EP300: variants seen among roughly 807,000 people sequenced by gnomAD.
EP300 encodes the protein histone acetyltransferase p300.
Under a neutral mutation model 264.0 loss-of-function variants are expected in EP300, and 31 were observed. The ratio of observed to expected loss-of-function variants is 0.12; its 90% confidence interval spans 0.09 to 0.16. The LOEUF (loss-of-function observed/expected upper bound fraction) is 0.16, where lower values mean the gene tolerates loss of function less well. Among genes scored for constraint, EP300 ranks in the 10% least tolerant of loss-of-function variants. The pLI, the probability that EP300 is intolerant of heterozygous loss-of-function variation, is 1.00. For missense variants in EP300, 2,766 were observed against 3,052.9 expected, an observed-to-expected ratio of 0.91 and a Z score of 2.21; for synonymous variants, 1,340 against 1,045.4, an observed-to-expected ratio of 1.28 and a Z score of -5.44.
In EP300 at chr22:41,177,939, C is replaced by G. The variant is rs2059212230; in HGVS notation, c.6228C>G (p.Ala2076=). 1 of 1,614,212 alleles carries G rather than the reference C, an allele frequency of 6.2e-7. No homozygotes were observed. The highest frequency in any genetic ancestry group is 8.5e-7 in the Non-Finnish European group (1 of 1,180,026). The change falls in exon 31 of 31, where the codon GCC becomes GCG. Residue 2076 remains alanine, a synonymous_variant. Transcript: ENST00000263253. ...QQQQVLSILH[A]NPQLLAAFIK... ...AACAGGTGCTTAGTATCCTTCACGCCAACCCCCAGCTGTTGGCTGCATTCA... is the reference window on the plus strand; with the variant it reads ...AACAGGTGCTTAGTATCCTTCACGCGAACCCCCAGCTGTTGGCTGCATTCA...
intron 22 of EP300, 26 bp downstream of exon 22, chr22:41,164,156 C>G (rs750294306): frequency 1.0e-5 from 16 of 1,607,650 alleles, no homozygotes; most frequent in Non-Finnish European, 6.8e-6. Context: ...GTTACTTTCT[C>G]TGGAATTTTT....
At chr22:41,165,533 C>A (rs1381535111) in intron 22 of EP300, among the ~76,000 whole-genome samples, 2 of 152,040 alleles carry the variant, frequency 1.3e-5, no homozygotes, top group Non-Finnish European at 2.9e-5. Context: ...AAGTGATTCT[C>A]CTGCCTCAGC....
rs1231868026 is a variant in EP300, at chr22:41,147,957, C to T, written c.2241+11C>T. ...GGAGCTCTCAACCCGGTTAGTTTGA[C>T]GTCTTTGGTAATCTCTTTGGCCTTT... On this transcript the variant is annotated intron_variant, in intron 12 of 30. Coordinates refer to ENST00000263253, the MANE Select transcript of EP300 (RefSeq NM_001429.4). The T allele has an allele frequency of 8.2e-6, 13 of 1,576,706 alleles. No individual in the cohort carries two copies. The highest frequency in any genetic ancestry group is 3.4e-5 in the South Asian group (3 of 87,980).
In EP300 at chr22:41,177,266, C is replaced by T. The variant is rs2059206073; in HGVS notation, c.5555C>T (p.Pro1852Leu). The T allele has an allele frequency of 6.2e-7, 1 of 1,614,002 alleles. No homozygotes were observed. The highest frequency in any genetic ancestry group is 1.3e-5 in the African/African-American group (1 of 74,892). ...GQQQGLPSPT[P>L]ATPTTPTGQQ... The stretch of plus-strand genomic sequence containing the variant: ...CAACAGGGCCTCCCTTCCCCCACTC[C>T]TGCCACTCCAACGACACCAACTGGC... Residue 1852 changes from proline (P) to leucine (L), a missense_variant, in exon 31 of 31, where the codon CCT becomes CTT. Coordinates refer to ENST00000263253, the MANE Select transcript of EP300 (RefSeq NM_001429.4).
chr22:41,144,913 A>G (rs2059002298), intron 10 of EP300, among the ~76,000 whole-genome samples: 1 of 152,090 alleles, frequency 6.6e-6, no homozygotes. Context: ...AAAAAAGGAC[A>G]TGTCTGGCAG....
chr22:41,178,318 C>A lies in EP300; in HGVS notation c.6607C>A (p.Pro2203Thr), dbSNP rs1358846937. 3.1e-6 allele frequency: 5 copies of A among 1,613,998 alleles called. No homozygotes were observed. Among genetic ancestry groups the A allele is most frequent in the Non-Finnish European group, 2.5e-6 (3 of 1,180,012 alleles). Residue 2203 changes from proline (P) to threonine (T), a missense_variant, in exon 31 of 31, where the codon CCT becomes ACT. Pro to Thr is a conservative substitution (Grantham distance 38). Coordinates refer to ENST00000263253, the MANE Select transcript of EP300 (RefSeq NM_001429.4). ...ACAGGGAGCAGGGCCAGGAATAGGC[C>A]CTGGAATGGCCAACCATAACCAGTT... ...QQQGAGPGIGPGMANHNQFQQ... is the reference protein window; with the variant it reads ...QQQGAGPGIGTGMANHNQFQQ...
intron 4 of EP300, among the ~76,000 whole-genome samples, chr22:41,128,237 T>G (rs1195636423): frequency 6.6e-6 from 1 of 152,116 alleles, no homozygotes; most frequent in East Asian, 1.9e-4. Flanking sequence ...GGCAGATCAC[T>G]TGAGGTCAGG....
chr22:41,112,254 G>C (rs915515946), intron 1 of EP300, among the ~76,000 whole-genome samples: 2 of 151,152 alleles, frequency 1.3e-5, no homozygotes, highest in African/African-American at 2.4e-5. Context: ...CAGTGGCACT[G>C]TCTCTGCTCA....
chr22:41,122,385 C>CA (rs1223189397), intron 2 of EP300, among the ~76,000 whole-genome samples: 1 of 151,982 alleles, frequency 6.6e-6, no homozygotes, highest in East Asian at 1.9e-4. Context: ...AGGCTGGTTT[C>CA]AAACTCCTGA....
At chr22:41,166,814 A>C in intron 23 of EP300, 148 bp downstream of exon 23, 2 of 552,208 alleles carry the variant, frequency 3.6e-6, no homozygotes, top group East Asian at 3.0e-5. Flanking sequence ...GATCTGTAAT[A>C]TATTTTTTGG....
chr22:41,127,425 C>T (rs1159810349), intron 3 of EP300, 62 bp from the exon 4 acceptor site: 6 of 1,598,414 alleles, frequency 3.8e-6, no homozygotes, highest in Non-Finnish European at 4.3e-6. Flanking sequence ...ATCCACATCT[C>T]TATTTATTAA....
At chr22:41,147,988 G>C (rs2145734530) in intron 12 of EP300, 42 bp downstream of exon 12, 1 of 1,384,050 alleles carries the variant, frequency 7.2e-7, no homozygotes. Flanking sequence ...CCTTTACCTG[G>C]TATTTTGAAA....
At position 41,131,770 on chromosome 22, in the gene EP300, A is replaced by G. The variant is rs947615315; in HGVS notation, c.1528+137A>G. ...AATTTTTTAAAGATTACAGTGTAAAAGGTCCCTTACAGTTCATCTACGAGA... is the reference window on the plus strand; with the variant it reads ...AATTTTTTAAAGATTACAGTGTAAAGGGTCCCTTACAGTTCATCTACGAGA... On this transcript the variant is annotated intron_variant, in intron 6 of 30. Coordinates refer to ENST00000263253, the MANE Select transcript of EP300 (RefSeq NM_001429.4). 10 of 1,304,620 alleles carry G rather than the reference A, an allele frequency of 7.7e-6. No individual in the cohort carries two copies. In the African/African-American group the frequency reaches 1.3e-4, roughly 17 times the overall value. 80.8% of individuals were successfully genotyped at this position (1,304,620 alleles called of 1,614,324 possible). A position where few individuals can be genotyped will look rare whatever the true frequency, so the allele number is the denominator to read the frequency against.
At position 41,179,164 on chromosome 22, in the gene EP300, A is replaced by T; in HGVS notation, c.*208A>T. 4.9e-6 allele frequency: 3 copies of T among 618,026 alleles called. No homozygotes were observed. The highest frequency in any genetic ancestry group is 8.3e-6 in the Non-Finnish European group (3 of 360,282). The allele number at this position is 618,026 out of a possible 1,614,324, so 38.3% of individuals were successfully genotyped here. A position where few individuals can be genotyped will look rare whatever the true frequency, so the allele number is the denominator to read the frequency against. On this transcript the variant is annotated 3_prime_UTR_variant, in exon 31 of 31. Coordinates refer to ENST00000263253, the MANE Select transcript of EP300 (RefSeq NM_001429.4). ...AGAATACAAAGAATATATTTTTGTT[A>T]TGGCTGGTTACCACCAGCCTTTCTT...
rs1187838839 is a variant in EP300, at chr22:41,178,213, A to T, written c.6502A>T (p.Met2168Leu). ...AGGGATGAGCCCCCAGGCTCAGCAG[A>T]TGAACATGAACCACAACACCATGCC... ...MGGMSPQAQQ[M>L]NMNHNTMPSQ... The change falls in exon 31 of 31, where the codon ATG becomes TTG. Residue 2168 changes from methionine to leucine, a missense_variant. Met to Leu is a conservative substitution (Grantham distance 15). Transcript: ENST00000263253. The T allele has an allele frequency of 1.2e-6, 2 of 1,614,036 alleles. No individual in the cohort carries two copies. The highest frequency in any genetic ancestry group is 8.5e-7 in the Non-Finnish European group (1 of 1,179,980).
intron 8 of EP300, among the ~76,000 whole-genome samples, chr22:41,139,618 G>C (rs903382162): frequency 6.6e-6 from 1 of 152,156 alleles, no homozygotes; most frequent in Admixed American, 6.6e-5. Flanking sequence ...CATTTTGTTA[G>C]GGAATTGCAT....
At chr22:41,093,627 T>G (rs2058686523) in intron 1 of EP300, among the ~76,000 whole-genome samples, 1 of 152,242 alleles carries the variant, frequency 6.6e-6, no homozygotes, top group Non-Finnish European at 1.5e-5. Flanking sequence ...GAGGTGAAGT[T>G]TAACAATTCT....
intron 1 of EP300, among the ~76,000 whole-genome samples, chr22:41,100,507 GA>G (rs780724674): frequency 2.0e-5 from 3 of 152,184 alleles, no homozygotes; most frequent in Non-Finnish European, 2.9e-5. Context: ...TTCCGTATCT[GA>G]GGGTTCCGTG....
In EP300 at chr22:41,122,458, G is replaced by T. The variant is rs571726982; in HGVS notation, c.730-3406G>T. 9.2e-5 allele frequency among the ~76,000 whole-genome samples: 14 copies of T among 152,126 alleles called. No homozygotes were observed. In the South Asian group the frequency reaches 2.7e-3, roughly 29 times the overall value. On this transcript the variant is annotated intron_variant, in intron 2 of 30. Transcript: ENST00000263253. ...TGGGATTACAGGCGTGAGCCACCGT[G>T]CCCGACCAAGAAATTATCTTCTCTG... is the stretch of plus-strand genomic sequence containing the variant.
Sources: gnomAD v4.1 joint callset for allele counts (sites outside exome capture counted in the v4.1 genomes callset) on GRCh38, gnomAD v4.1.1 for gene constraint, MANE v1.5 for transcripts, NCBI Gene and HGNC (gene_info 2026-07-23, HGNC 2026-07-21) for gene names.